Variants in CNTLN observed in about 807,000 individuals in gnomAD.
CNTLN encodes the protein centlein, centrosomal protein.
Under a neutral mutation model 180.0 loss-of-function variants are expected in CNTLN, and 212 were observed. The observed-to-expected ratio is 1.18, with a 90% CI of 1.05 to 1.32. The LOEUF (loss-of-function observed/expected upper bound fraction) is 1.32. Among genes scored for constraint, CNTLN ranks in the 40% most tolerant of loss-of-function variants. The pLI is 0.00. For synonymous variants in CNTLN, 722 were observed against 563.1 expected, an observed-to-expected ratio of 1.28 and a Z score of -3.99; for missense variants, 2,095 against 1,610.9, an observed-to-expected ratio of 1.30 and a Z score of -5.14.
chr9:17,330,906 G>C, intron 9 of CNTLN, 98 bp downstream of exon 9: 1 of 1,128,672 alleles, frequency 8.9e-7, no homozygotes, highest in South Asian at 1.5e-5. Flanking sequence ...TTCTCTGCTT[G>C]TATTTCGGGA....
chr9:17,182,115 G>A lies in CNTLN; in HGVS notation c.449+38739G>A, dbSNP rs77745885. Among the ~76,000 whole-genome samples, 241 of 152,196 alleles carry A rather than the reference G, an allele frequency of 1.6e-3. 1 individual carries two copies. Among genetic ancestry groups the A allele is most frequent in the African/African-American group, 5.6e-3 (232 of 41,524 alleles). On this transcript the variant is annotated intron_variant, in intron 2 of 25. Coordinates refer to ENST00000380647, the MANE Select transcript of CNTLN (RefSeq NM_017738.4). ...ATTATATAGACTTGCAAAGATTGAA[G>A]TCTAGGCTCCTCTCGTGGCCTTTGC... is the stretch of plus-strand genomic sequence containing the variant.
intron 23 of CNTLN, among the ~76,000 whole-genome samples, chr9:17,479,457 G>A (rs929152810): frequency 2.0e-5 from 3 of 152,172 alleles, no homozygotes; most frequent in East Asian, 1.9e-4. Context: ...AGTGCTGCAC[G>A]GTTCCACTTC....
rs187829120 is a variant in CNTLN at position 17,464,743 on chromosome 9, G to A, written c.3531+120G>A. 237 of 581,586 alleles carry A rather than the reference G, an allele frequency of 4.1e-4. 1 individual carries two copies. The African/African-American group carries it at 4.2e-3, about 10-fold the overall frequency. The allele number at this position is 581,586 out of a possible 1,614,324, so 36.0% of individuals were successfully genotyped here. On this transcript the variant is annotated intron_variant, in intron 21 of 25. Coordinates refer to ENST00000380647, the MANE Select transcript of CNTLN (RefSeq NM_017738.4). ...AATATTGATAGGATATGTATTTACTGTTACAAAGTAACACTCTTTGCTCTG... is the reference window on the plus strand; with the variant it reads ...AATATTGATAGGATATGTATTTACTATTACAAAGTAACACTCTTTGCTCTG...
At chr9:17,264,528 C>G (rs1267599813) in intron 5 of CNTLN, among the ~76,000 whole-genome samples, 3 of 150,072 alleles carry the variant, frequency 2.0e-5, no homozygotes, top group Non-Finnish European at 4.4e-5. Flanking sequence ...GTGATGTGGG[C>G]TCTCTTTTGG....
At chr9:17,265,575 C>A (rs183593483) in intron 5 of CNTLN, among the ~76,000 whole-genome samples, 90 of 152,186 alleles carry the variant, frequency 5.9e-4, no homozygotes, top group Non-Finnish European at 1.2e-3. Flanking sequence ...GGAGGATTCC[C>A]TCTTTTTCTA....
In CNTLN at chr9:17,394,622, A is replaced by G. The variant is rs767190039; in HGVS notation, c.2168A>G (p.Asp723Gly). The part of the protein sequence containing the change: ...EGNKKLMKEN[D>G]FLKSLLKQQQ... ...AATAAAAAATTAATGAAAGAAAATG[A>G]TTTTCTGAAATCCCTCTTAAAACAG... The change falls in exon 15 of 26, where the codon GAT becomes GGT. Residue 723 changes from aspartate to glycine, a missense_variant. Transcript: ENST00000380647. The G allele has an allele frequency of 3.7e-6, 6 of 1,602,636 alleles. No individual in the cohort carries two copies. The East Asian group carries it at 8.9e-5, about 24-fold the overall frequency.
At chr9:17,344,794 G>A (rs1426627332) in intron 12 of CNTLN, among the ~76,000 whole-genome samples, 4 of 152,052 alleles carry the variant, frequency 2.6e-5, no homozygotes, top group African/African-American at 7.2e-5. Flanking sequence ...AATTTTATGA[G>A]TTATATCATA....
At chr9:17,305,534 T>A (rs1439775698) in intron 7 of CNTLN, among the ~76,000 whole-genome samples, 1 of 151,682 alleles carries the variant, frequency 6.6e-6, no homozygotes. Context: ...TTTTTTTTTT[T>A]AAACTCTACT....
chr9:17,508,417 C>T (rs1833971485), downstream of CNTLN, among the ~76,000 whole-genome samples: 2 of 152,088 alleles, frequency 1.3e-5, no homozygotes, highest in Non-Finnish European at 2.9e-5. Flanking sequence ...AAATATAGAC[C>T]ATAGATGGAT....
chr9:17,501,011 T>A (rs547380126), intron 25 of CNTLN, among the ~76,000 whole-genome samples: 1 of 152,348 alleles, frequency 6.6e-6, no homozygotes, highest in East Asian at 1.9e-4. Context: ...CATATTCTTT[T>A]TGCTTATCTC....
intron 2 of CNTLN, among the ~76,000 whole-genome samples, chr9:17,192,863 C>G (rs1485179634): frequency 6.6e-6 from 1 of 152,112 alleles, no homozygotes; most frequent in Non-Finnish European, 1.5e-5. Flanking sequence ...TGTTTTCACG[C>G]TGCTGATAAA....
chr9:17,400,504 G>C (rs1266237518), intron 15 of CNTLN, among the ~76,000 whole-genome samples: 1 of 152,086 alleles, frequency 6.6e-6, no homozygotes, highest in African/African-American at 2.4e-5. Context: ...AACTACTTTT[G>C]TTCAAATCCT....
intron 23 of CNTLN, among the ~76,000 whole-genome samples, chr9:17,478,900 G>C (rs1832494904): frequency 6.6e-6 from 1 of 152,002 alleles, no homozygotes; most frequent in African/African-American, 2.4e-5. Flanking sequence ...AATAGGTTAA[G>C]GACTTTAATA....
At chr9:17,370,549 A>G (rs968754271) in intron 13 of CNTLN, among the ~76,000 whole-genome samples, 12 of 152,302 alleles carry the variant, frequency 7.9e-5, no homozygotes, top group Admixed American at 6.5e-4. Flanking sequence ...CTATCCTACA[A>G]GAAGTCATAA....
chr9:17,503,913 A>T lies in CNTLN; in HGVS notation c.*1261A>T, dbSNP rs1454048687. On this transcript the variant is annotated 3_prime_UTR_variant, in exon 26 of 26. Coordinates refer to ENST00000380647, the MANE Select transcript of CNTLN (RefSeq NM_017738.4). ...TTTTGGTGTCTGTTAATAAAGTTTT[A>T]TTGGAACACAGTGGTGCTCATTCAT... is the stretch of plus-strand genomic sequence containing the variant. 6.6e-6 allele frequency: 1 copy of T among 150,864 alleles called. No individual in the cohort carries two copies. Among genetic ancestry groups the T allele is most frequent in the Non-Finnish European group, 1.5e-5 (1 of 68,022 alleles). 9.3% of individuals were successfully genotyped at this position (150,864 alleles called of 1,614,324 possible).
chr9:17,264,831 GCT>G (rs1168528564), intron 5 of CNTLN, among the ~76,000 whole-genome samples: 5 of 151,576 alleles, frequency 3.3e-5, no homozygotes, highest in Admixed American at 6.6e-5. Context: ...TCATGATTTG[GCT>G]CTCTGTTTGT....
intron 3 of CNTLN, among the ~76,000 whole-genome samples, chr9:17,231,908 C>T (rs571559954): frequency 2.1e-5 from 3 of 143,722 alleles, no homozygotes; most frequent in African/African-American, 7.8e-5. Context: ...ATTATTCATT[C>T]ATTTCATGGC....
chr9:17,335,867 A>AG (rs547676099), intron 10 of CNTLN, among the ~76,000 whole-genome samples: 47 of 150,292 alleles, frequency 3.1e-4, no homozygotes, highest in Non-Finnish European at 5.3e-4. Context: ...GCTTGAACCC[A>AG]GGAGGCAGAG....
chr9:17,242,590 C>T (rs573657813), intron 5 of CNTLN, among the ~76,000 whole-genome samples: 14 of 152,274 alleles, frequency 9.2e-5, no homozygotes, highest in African/African-American at 3.4e-4. Flanking sequence ...GGATTACAGG[C>T]GTGAGCCACC....
Sources: allele counts gnomAD v4.1 joint callset (sites outside exome capture counted in the v4.1 genomes callset), GRCh38; gene constraint gnomAD v4.1.1; transcripts MANE v1.5; gene names NCBI Gene and HGNC (gene_info 2026-07-23, HGNC 2026-07-21).